The following RIMS2 variants were observed in gnomAD, a reference collection of about 807,000 sequenced individuals.
RIMS2 encodes the protein regulating synaptic membrane exocytosis protein 2.
In RIMS2, 59 loss-of-function variants were observed where a neutral mutation model predicts 174.4. That is an observed-to-expected ratio of 0.34 (90% confidence interval 0.27 to 0.42). RIMS2 has a LOEUF of 0.42. Ranked by LOEUF, RIMS2 falls within the 10% of genes least tolerant of loss-of-function variation. The pLI is 1.00. For synonymous variants in RIMS2, 606 were observed against 572.5 expected (o/e 1.06, Z -0.84); for missense variants, 1,620 against 1,666.3 (o/e 0.97, Z 0.48).
At chr8:103,744,070 G>A (rs775601538) in intron 2 of RIMS2, among the ~76,000 whole-genome samples, 5 of 152,036 alleles carry the variant, frequency 3.3e-5, no homozygotes, top group East Asian at 3.8e-4. Flanking sequence ...TTTTTGAGAC[G>A]AAGTGTTGCT....
At chr8:103,693,984 T>C (rs1356435829) in intron 1 of RIMS2, among the ~76,000 whole-genome samples, 1 of 152,092 alleles carries the variant, frequency 6.6e-6, no homozygotes, top group Non-Finnish European at 1.5e-5. Flanking sequence ...ACCTGGTGCT[T>C]GGTTGGTCCT....
intron 15 of RIMS2, among the ~76,000 whole-genome samples, chr8:103,967,170 GTTTTTTTTTTTTTTTTTTT>G (rs71575988): frequency 4.0e-5 from 1 of 24,952 alleles, no homozygotes; most frequent in Non-Finnish European, 6.6e-5. Context: ...ATCTGTTCTT[GTTTTTTTTTTTTTTTTTTT>G]TTTTTTTTTT....
At chr8:103,888,936 A>T (rs533244603) in intron 4 of RIMS2, among the ~76,000 whole-genome samples, 1 of 151,738 alleles carries the variant, frequency 6.6e-6, no homozygotes, top group South Asian at 2.1e-4. Context: ...TTTAATTTGA[A>T]TTTGGAAGAA....
intron 19 of RIMS2, among the ~76,000 whole-genome samples, chr8:104,107,457 C>T (rs2098093065): frequency 6.6e-6 from 1 of 151,902 alleles, no homozygotes; most frequent in Admixed American, 6.6e-5. Context: ...ATTTTTCTGC[C>T]TCCCAGTATC....
intron 19 of RIMS2, among the ~76,000 whole-genome samples, chr8:104,204,658 T>C (rs1332405711): frequency 6.6e-6 from 1 of 152,164 alleles, no homozygotes; most frequent in Non-Finnish European, 1.5e-5. Flanking sequence ...AAAAAATTAC[T>C]TGACATTTTT....
intron 19 of RIMS2, among the ~76,000 whole-genome samples, chr8:104,228,114 C>T (rs1338411413): frequency 1.3e-5 from 2 of 151,114 alleles, no homozygotes; most frequent in African/African-American, 2.4e-5. Context: ...CTGCAAGCTC[C>T]GCCTCCCAGG....
intron 3 of RIMS2, among the ~76,000 whole-genome samples, chr8:103,841,736 T>C (rs2098940843): frequency 6.6e-6 from 1 of 152,056 alleles, no homozygotes; most frequent in Non-Finnish European, 1.5e-5. Context: ...GGATTGCCAT[T>C]AAGAAATAGC....
chr8:103,972,379 T>C (rs894827610), intron 15 of RIMS2, among the ~76,000 whole-genome samples: 1 of 152,246 alleles, frequency 6.6e-6, no homozygotes, highest in African/African-American at 2.4e-5. Context: ...TATCCACTTC[T>C]ATAATCTCTG....
intron 2 of RIMS2, among the ~76,000 whole-genome samples, chr8:103,712,104 G>A (rs1489108642): frequency 1.3e-5 from 2 of 150,990 alleles, no homozygotes; most frequent in African/African-American, 4.9e-5. Context: ...GAATCCTCCT[G>A]CTTCAGCCTC....
intron 2 of RIMS2, among the ~76,000 whole-genome samples, chr8:103,730,352 A>G (rs1282281163): frequency 6.6e-6 from 1 of 152,026 alleles, no homozygotes; most frequent in African/African-American, 2.4e-5. Context: ...GGGTGATTAT[A>G]TATTTGCAAT....
At chr8:103,696,856 T>G (rs1414546689) in intron 1 of RIMS2, among the ~76,000 whole-genome samples, 1 of 92,992 alleles carries the variant, frequency 1.1e-5, no homozygotes, top group African/African-American at 4.2e-5. Flanking sequence ...GAGCGAGACT[T>G]CGTCTCAAAA....
chr8:103,906,479 C>T (rs2074430523), intron 4 of RIMS2, among the ~76,000 whole-genome samples: 1 of 152,188 alleles, frequency 6.6e-6, no homozygotes, highest in Non-Finnish European at 1.5e-5. Context: ...CTCCTGACCT[C>T]AGGTGATCCA....
intron 19 of RIMS2, among the ~76,000 whole-genome samples, chr8:104,107,415 G>A (rs1231344166): frequency 2.6e-5 from 4 of 152,068 alleles, no homozygotes; most frequent in Non-Finnish European, 4.4e-5. Flanking sequence ...TTGATTAGTT[G>A]AGTATAGTAT....
intron 1 of RIMS2, among the ~76,000 whole-genome samples, chr8:103,587,402 GAAA>G (rs1255720445): frequency 6.6e-5 from 8 of 121,092 alleles, no homozygotes; most frequent in African/African-American, 2.1e-4. Flanking sequence ...ACATCAGGAA[GAAA>G]AAAGAAGAAA....
intron 14 of RIMS2, among the ~76,000 whole-genome samples, chr8:103,947,853 A>G (rs1190656386): frequency 6.6e-6 from 1 of 152,194 alleles, no homozygotes; most frequent in East Asian, 1.9e-4. Flanking sequence ...CAGCTCCATC[A>G]TAATTGTATG....
chr8:104,082,022 CTT>C (rs1487864181), intron 19 of RIMS2, among the ~76,000 whole-genome samples: 4 of 151,870 alleles, frequency 2.6e-5, no homozygotes, highest in African/African-American at 4.8e-5. Context: ...TTCTCTCTCT[CTT>C]ACCTGCAAGT....
At chr8:103,985,107 G>A (rs1298277379) in intron 16 of RIMS2, among the ~76,000 whole-genome samples, 8 of 152,088 alleles carry the variant, frequency 5.3e-5, no homozygotes, top group Admixed American at 5.2e-4. Context: ...ATAATAAATA[G>A]AACCTAGTAT....
At chr8:104,223,447 C>T in intron 19 of RIMS2, 1 of 1,373,644 alleles carries the variant, frequency 7.3e-7, no homozygotes, top group Non-Finnish European at 9.3e-7. Context: ...CTCTGGACCC[C>T]TCTCCAATAA....
intron 19 of RIMS2, among the ~76,000 whole-genome samples, chr8:104,134,829 A>T (rs2098504998): frequency 6.6e-6 from 1 of 152,158 alleles, no homozygotes; most frequent in Non-Finnish European, 1.5e-5. Flanking sequence ...AATATTAGTG[A>T]TTTCACCATT....
Sources: allele counts gnomAD v4.1 joint callset (sites outside exome capture counted in the v4.1 genomes callset), GRCh38; gene constraint gnomAD v4.1.1; transcripts MANE v1.5; gene names NCBI Gene and HGNC (gene_info 2026-07-23, HGNC 2026-07-21).